Variants in IMMP1L observed in about 807,000 individuals in gnomAD.
IMMP1L encodes mitochondrial inner membrane protease subunit 1.
A neutral mutation model predicts 21.8 loss-of-function variants in IMMP1L; 24 were observed. The ratio of observed to expected loss-of-function variants is 1.10; its 90% confidence interval spans 0.80 to 1.55. IMMP1L has a LOEUF of 1.55. Ranked by LOEUF, IMMP1L falls within the 40% of genes most tolerant of loss-of-function variation. The probability of loss-of-function intolerance (pLI) is 0.00; values close to 1 mark genes in which losing one functional copy is unlikely to be tolerated. For synonymous variants in IMMP1L, 46 were observed against 62.8 expected (o/e 0.73, Z 1.26); for missense variants, 195 against 200.7 (o/e 0.97, Z 0.17).
chr11:31,468,340 T>C (rs1228980024), intron 1 of IMMP1L, among the ~76,000 whole-genome samples: 1 of 152,172 alleles, frequency 6.6e-6, no homozygotes, highest in African/African-American at 2.4e-5. Context: ...TTCATATGGT[T>C]CACTTCTACT....
chr11:31,445,653 C>T (rs568970199), intron 4 of IMMP1L, among the ~76,000 whole-genome samples: 2 of 151,936 alleles, frequency 1.3e-5, no homozygotes, highest in East Asian at 3.9e-4. Flanking sequence ...TGTATCAAAC[C>T]CAGCAGATTA....
At chr11:31,481,442 C>T (rs776745127) in intron 1 of IMMP1L, among the ~76,000 whole-genome samples, 9 of 151,916 alleles carry the variant, frequency 5.9e-5, no homozygotes, top group Non-Finnish European at 1.3e-4. Flanking sequence ...AGAGTTATTA[C>T]AATCACCTTT....
At chr11:31,442,022 C>T (rs1238382136) in intron 4 of IMMP1L, among the ~76,000 whole-genome samples, 6 of 152,170 alleles carry the variant, frequency 3.9e-5, no homozygotes, top group Admixed American at 3.9e-4. Flanking sequence ...TATATGTTTT[C>T]ATGAATGCCA....
intron 4 of IMMP1L, among the ~76,000 whole-genome samples, chr11:31,443,412 G>A (rs1953406080): frequency 6.6e-6 from 1 of 152,160 alleles, no homozygotes; most frequent in South Asian, 2.1e-4. Flanking sequence ...ACACAAAGGT[G>A]AGAAAACATT....
intron 2 of IMMP1L, among the ~76,000 whole-genome samples, chr11:31,461,710 T>C (rs1954144665): frequency 6.6e-6 from 1 of 152,102 alleles, no homozygotes; most frequent in Non-Finnish European, 1.5e-5. Flanking sequence ...GAATTTTGCG[T>C]TCAGACTTGG....
intron 1 of IMMP1L, among the ~76,000 whole-genome samples, chr11:31,479,013 CCATGA>C (rs1442569037): frequency 1.3e-5 from 2 of 151,804 alleles, no homozygotes; most frequent in African/African-American, 2.4e-5. Context: ...CTTCTTCCAC[CCATGA>C]CATAACAGCT....
intron 1 of IMMP1L, among the ~76,000 whole-genome samples, chr11:31,493,650 C>A: frequency 6.6e-6 from 1 of 152,168 alleles, no homozygotes; most frequent in Middle Eastern, 3.2e-3. Flanking sequence ...TCCAAAGTCT[C>A]ATCTGAGACA....
chr11:31,457,428 TTC>T (rs1953984159), intron 3 of IMMP1L, among the ~76,000 whole-genome samples: 1 of 152,218 alleles, frequency 6.6e-6, no homozygotes, highest in African/African-American at 2.4e-5. Flanking sequence ...AATATGTGAA[TTC>T]TGTTGACTAA....
chr11:31,500,303 G>A (rs940640825), intron 1 of IMMP1L, among the ~76,000 whole-genome samples: 1 of 151,924 alleles, frequency 6.6e-6, no homozygotes, highest in East Asian at 1.9e-4. Flanking sequence ...ACGAGCATGA[G>A]AAAGAAGGTC....
At chr11:31,472,899 T>C (rs2122682) in intron 1 of IMMP1L, among the ~76,000 whole-genome samples, 41,903 of 152,114 alleles carry the variant, frequency 0.28, 6,106 homozygotes, top group African/African-American at 0.37. Context: ...GGAGTGTCGC[T>C]CTGTCGTCCA....
At chr11:31,486,909 T>C (rs1164482448) in intron 1 of IMMP1L, among the ~76,000 whole-genome samples, 1 of 151,918 alleles carries the variant, frequency 6.6e-6, no homozygotes, top group African/African-American at 2.4e-5. Flanking sequence ...TTAAAAATTG[T>C]ATAAATAATT....
intron 1 of IMMP1L, among the ~76,000 whole-genome samples, chr11:31,481,884 C>T (rs1954902729): frequency 6.6e-6 from 1 of 151,830 alleles, no homozygotes; most frequent in African/African-American, 2.4e-5. Context: ...AATGAAGTAA[C>T]AGGGATTGTG....
chr11:31,467,040 C>T (rs1312799104), intron 1 of IMMP1L, among the ~76,000 whole-genome samples: 1 of 151,984 alleles, frequency 6.6e-6, no homozygotes, highest in Non-Finnish European at 1.5e-5. Context: ...ACAATTATTA[C>T]ATACCAACTA....
chr11:31,485,474 C>A (rs550184727), intron 1 of IMMP1L, among the ~76,000 whole-genome samples: 2 of 151,868 alleles, frequency 1.3e-5, no homozygotes, highest in Non-Finnish European at 3.0e-5. Context: ...AGACAGAAAT[C>A]GGTCTGAGGT....
rs561792734 is a variant in IMMP1L, at chr11:31,489,406, C to T, written c.-30+20113G>A. Reference sequence around the variant, plus strand: ...CATAACATTTACTTGAAATTTAATACGTAAAATGATTCCTATTTTCTGACA... The same window carrying T: ...CATAACATTTACTTGAAATTTAATATGTAAAATGATTCCTATTTTCTGACA... On this transcript the variant is annotated intron_variant, in intron 1 of 5. Transcript: ENST00000532287. Among the ~76,000 whole-genome samples, 10 of 152,150 alleles carry T rather than the reference C, an allele frequency of 6.6e-5. No individual in the cohort carries two copies. In the South Asian group the frequency reaches 1.7e-3, roughly 25 times the overall value.
In IMMP1L at chr11:31,442,508, G is replaced by GT. The variant is rs1294371300; in HGVS notation, c.322-8939dup. On this transcript the variant is annotated intron_variant, in intron 4 of 5. Transcript: ENST00000532287. ...GAAAAGTTCTGGCTAAAAAATAGTT[G>GT]TATGTTTGACCTTCAAAAGTTTCAA... Among the ~76,000 whole-genome samples the GT allele has an allele frequency of 2.0e-5, 3 of 152,140 alleles. No individual in the cohort carries two copies. The East Asian group carries it at 5.8e-4, about 29-fold the overall frequency.
intron 4 of IMMP1L, among the ~76,000 whole-genome samples, chr11:31,442,997 G>A (rs772301371): frequency 6.6e-5 from 10 of 152,072 alleles, no homozygotes; most frequent in Non-Finnish European, 1.0e-4. Context: ...AAGTCTATAT[G>A]ATGAATGTAT....
intron 1 of IMMP1L, among the ~76,000 whole-genome samples, chr11:31,506,523 C>T (rs1029157298): frequency 3.3e-5 from 5 of 151,938 alleles, no homozygotes; most frequent in African/African-American, 7.3e-5. Flanking sequence ...AGTCACTGTG[C>T]CCAGCCAACA....
intron 1 of IMMP1L, among the ~76,000 whole-genome samples, chr11:31,495,773 G>A (rs181465466): frequency 6.6e-5 from 10 of 152,168 alleles, no homozygotes; most frequent in Admixed American, 4.6e-4. Flanking sequence ...ATGGGGAAAA[G>A]GCAGTCTTTT....
Sources: gnomAD v4.1 joint callset for allele counts (sites outside exome capture counted in the v4.1 genomes callset) on GRCh38, gnomAD v4.1.1 for gene constraint, MANE v1.5 for transcripts, NCBI Gene and HGNC (gene_info 2026-07-23, HGNC 2026-07-21) for gene names.